MYH6: variants seen among roughly 807,000 people sequenced by gnomAD.
MYH6 encodes the protein myosin-6.
Under a neutral mutation model 223.2 loss-of-function variants are expected in MYH6, and 126 were observed. The observed-to-expected ratio is 0.56, with a 90% CI of 0.49 to 0.65. The LOEUF is 0.65. Among genes scored for constraint, MYH6 ranks in the 30% least tolerant of loss-of-function variants. MYH6 has a pLI of 0.00. For missense variants in MYH6, 2,040 were observed against 2,536.4 expected, an observed-to-expected ratio of 0.80 and a Z score of 4.20; for synonymous variants, 978 against 1,010.2, an observed-to-expected ratio of 0.97 and a Z score of 0.61.
At chr14:23,402,860 A>G (rs1713304537) in intron 10 of MYH6, 60 bp from the exon 11 acceptor site, 5 of 554,896 alleles carry the variant, frequency 9.0e-6, no homozygotes, top group South Asian at 6.5e-5. Flanking sequence ...GGGAAGGGGC[A>G]GGTAGAGTTG....
intron 8 of MYH6, 131 bp from the exon 9 acceptor site, chr14:23,403,909 T>C (rs2138617582): frequency 2.4e-6 from 2 of 848,696 alleles, no homozygotes; most frequent in African/African-American, 1.7e-5. Flanking sequence ...CAGTTGAGTA[T>C]AAGTGAAGCC....
Position 23,382,578 on chromosome 14 carries a change from G to A in MYH6, c.5662-16C>T. 4 of 1,614,158 alleles carry A rather than the reference G, an allele frequency of 2.5e-6. No individual in the cohort carries two copies. The highest frequency in any genetic ancestry group is 3.4e-6 in the Non-Finnish European group (4 of 1,180,018). On this transcript the variant is annotated splice_polypyrimidine_tract_variant and intron_variant, in intron 37 of 38. Coordinates refer to ENST00000405093, the MANE Select transcript of MYH6 (RefSeq NM_002471.4). ...CTTGCTCCTCCTGTGGTGGGACAGTGGGGATGGGTGAATGAGCTGGAGATG... is the reference window on the plus strand; with the variant it reads ...CTTGCTCCTCCTGTGGTGGGACAGTAGGGATGGGTGAATGAGCTGGAGATG...
rs434273 is a variant in MYH6, at chr14:23,403,457, T to G, written c.800-11A>C. ...ACTTCTCCAGCAGGTCTGAGGTGGG[T>G]GGAGGGGAGGAAGGCAGGTGAGGAA... On this transcript the variant is annotated splice_polypyrimidine_tract_variant and intron_variant, in intron 9 of 38. Coordinates refer to ENST00000405093, the MANE Select transcript of MYH6 (RefSeq NM_002471.4). The G allele has an allele frequency of 6.2e-7, 1 of 1,611,526 alleles. No homozygotes were observed. The highest frequency in any genetic ancestry group is 1.1e-5 in the South Asian group (1 of 91,004).
At chr14:23,399,863 A>C in intron 14 of MYH6, 1 of 318,734 alleles carries the variant, frequency 3.1e-6, no homozygotes, top group Non-Finnish European at 6.1e-6. Context: ...CTTCTGAGGA[A>C]TGCCCATAAG....
Position 23,383,339 on chromosome 14 carries a change from G to GGGGGGGGGGGGGGCCCCCCCCCCCCCCC in MYH6, c.5566-20_5566-19insGGGGGGGGGGGGGGGCCCCCCCCCCCCC. The GGGGGGGGGGGGGGCCCCCCCCCCCCCCC allele has an allele frequency of 9.2e-6, 1 of 108,198 alleles. No individual in the cohort carries two copies. The highest frequency in any genetic ancestry group is 1.8e-5 in the Non-Finnish European group (1 of 54,380). 6.7% of individuals were successfully genotyped at this position (108,198 alleles called of 1,614,324 possible). A position where few individuals can be genotyped will look rare whatever the true frequency, so the allele number is the denominator to read the frequency against. On this transcript the variant is annotated intron_variant, in intron 36 of 38. Coordinates refer to ENST00000405093, the MANE Select transcript of MYH6 (RefSeq NM_002471.4). ...CCTCTGTCTGGGGGTGGGAGGGTGG[G>GGGGGGGGGGGGGGCCCCCCCCCCCCCCC]AGAAGCTGGTTTGGAGGGGGAGCAA...
At chr14:23,384,093 G>A (rs931675448) in intron 36 of MYH6, among the ~76,000 whole-genome samples, 10 of 151,890 alleles carry the variant, frequency 6.6e-5, no homozygotes, top group Non-Finnish European at 1.3e-4. Context: ...GAAGATTTCC[G>A]GGTCTTTTCC....
In MYH6 at chr14:23,393,750, C is replaced by T. The variant is rs1400491977; in HGVS notation, c.2844G>A (p.Glu948=). The T allele has an allele frequency of 2.5e-6, 4 of 1,614,124 alleles. No homozygotes were observed. In the African/African-American group the frequency reaches 4.0e-5, roughly 16 times the overall value. The change falls in exon 22 of 39, where the codon GAG becomes GAA. Residue 948 remains glutamate (E), a synonymous_variant. Coordinates refer to ENST00000405093, the MANE Select transcript of MYH6 (RefSeq NM_002471.4). ...CAATGTCCTTCTTGAGCTCTGAGCA[C>T]TCGTCTTCCAGCTTGCGCTTCTTGG... ...LTAKKRKLED[E]CSELKKDIDD... is the part of the protein sequence containing the mutation.
chr14:23,387,610 C>T lies in MYH6; in HGVS notation c.4569G>A (p.Lys1523=), dbSNP rs1173978440. The T allele has an allele frequency of 6.2e-7, 1 of 1,614,126 alleles. No homozygotes were observed. The highest frequency in any genetic ancestry group is 8.5e-7 in the Non-Finnish European group (1 of 1,180,018). Residue 1523 remains lysine, a synonymous_variant, in exon 32 of 39, where the codon AAG becomes AAA. Coordinates refer to ENST00000405093, the MANE Select transcript of MYH6 (RefSeq NM_002471.4). The stretch of plus-strand genomic sequence containing the variant: ...GGACCTTCTCCAGCTCATGCACATT[C>T]TTTCCTCCTTCTCCTAGCTGCTCAG... ...DLTEQLGEGG[K]NVHELEKVRK... is the part of the protein sequence containing the mutation.
rs571071986 is a variant in MYH6, at chr14:23,407,342, C to T, written c.-13-106G>A. On this transcript the variant is annotated intron_variant, in intron 2 of 38. Coordinates refer to ENST00000405093, the MANE Select transcript of MYH6 (RefSeq NM_002471.4). This position sits in a 1 kb window ranked among gnomAD's most constrained non-coding sequence, Gnocchi z 5.6. ...TCCCTACCCCCGCTCCTCTCCTCCA[C>T]CCTGGGAGAGGCACCTGCTGTTGCA... The T allele has an allele frequency of 2.2e-6, 3 of 1,353,706 alleles. No individual in the cohort carries two copies. The African/African-American group carries it at 4.3e-5, about 19-fold the overall frequency. 83.9% of individuals were successfully genotyped at this position (1,353,706 alleles called of 1,614,324 possible). A position where few individuals can be genotyped will look rare whatever the true frequency, so the allele number is the denominator to read the frequency against.
At chr14:23,400,492 C>T (rs572238203) in intron 13 of MYH6, 66 bp from the exon 14 acceptor site, 19 of 1,612,212 alleles carry the variant, frequency 1.2e-5, no homozygotes, top group Admixed American at 3.3e-5. Context: ...GGGCTGTGCC[C>T]GTGCACTGTG....
At chr14:23,395,058 T>C (rs893989342) in intron 20 of MYH6, among the ~76,000 whole-genome samples, 13 of 152,186 alleles carry the variant, frequency 8.5e-5, no homozygotes, top group Admixed American at 6.5e-5. Context: ...AGAGACGGGG[T>C]TTCACCATGT....
chr14:23,387,718 C>G (rs770205015), intron 31 of MYH6, 40 bp downstream of exon 31: 9 of 1,614,042 alleles, frequency 5.6e-6, no homozygotes, highest in Non-Finnish European at 7.6e-6. Flanking sequence ...GGCCCTCCCT[C>G]CCACCAACTC....
intron 14 of MYH6, chr14:23,400,029 G>C: frequency 1.5e-6 from 1 of 646,946 alleles, no homozygotes; most frequent in Non-Finnish European, 2.7e-6. Context: ...TCACTCTTAA[G>C]ACACTGAGGG....
chr14:23,401,492 C>T (rs1413345310), intron 12 of MYH6, among the ~76,000 whole-genome samples: 1 of 152,256 alleles, frequency 6.6e-6, no homozygotes, highest in African/African-American at 2.4e-5. Context: ...CTTATCCGGC[C>T]CATGGCCTCT....
rs1465037368 is a variant in MYH6 at position 23,390,203 on chromosome 14, T to A, written c.3586A>T (p.Lys1196Ter). 1 of 1,603,718 alleles carries A rather than the reference T, an allele frequency of 6.2e-7. No individual in the cohort carries two copies. The highest frequency in any genetic ancestry group is 1.3e-5 in the African/African-American group (1 of 74,572). ...TCGGCCACGCTGTCGGCGTGCTTCT[T>A]GCGCAGGGCCGCGGCAGTGGCCTCG... Reference protein sequence around the residue: ...QHEATAAALRKKHADSVAELG... With the variant: ...QHEATAAALR The change falls in exon 26 of 39, where the codon AAG becomes TAG. Residue 1196 changes from lysine to a stop codon, truncating the protein, a stop_gained. Coordinates refer to ENST00000405093, the MANE Select transcript of MYH6 (RefSeq NM_002471.4). LOFTEE classifies it high-confidence loss of function.
In MYH6 at chr14:23,403,457, T is replaced by C. The variant is rs434273; in HGVS notation, c.800-11A>G. 1,230,306 of 1,611,044 alleles carry C rather than the reference T, an allele frequency of 0.76. 472,572 individuals are homozygous for C. The highest frequency in any genetic ancestry group is 0.95 in the African/African-American group (71,416 of 74,874). On this transcript the variant is annotated splice_polypyrimidine_tract_variant and intron_variant, in intron 9 of 38. Coordinates refer to ENST00000405093, the MANE Select transcript of MYH6 (RefSeq NM_002471.4). ...ACTTCTCCAGCAGGTCTGAGGTGGGTGGAGGGGAGGAAGGCAGGTGAGGAA... is the reference window on the plus strand; with the variant it reads ...ACTTCTCCAGCAGGTCTGAGGTGGGCGGAGGGGAGGAAGGCAGGTGAGGAA...
chr14:23,382,680 CT>C lies in MYH6; in HGVS notation c.5662-119del, dbSNP rs558020975. The C allele has an allele frequency of 5.0e-5, 71 of 1,433,426 alleles. No individual in the cohort carries two copies. The South Asian group carries it at 5.5e-4, about 11-fold the overall frequency. 88.8% of individuals were successfully genotyped at this position (1,433,426 alleles called of 1,614,324 possible). On this transcript the variant is annotated intron_variant, in intron 37 of 38. Transcript: ENST00000405093. ...AGGCACCCATACCTCATGCATATTC[CT>C]GCAACAGCCTTCCCAAGGGTATCCT...
At chr14:23,398,582 G>A (rs1435326980) in intron 15 of MYH6, 146 bp downstream of exon 15, 1 of 871,564 alleles carries the variant, frequency 1.1e-6, no homozygotes, top group Admixed American at 1.9e-5. Flanking sequence ...AAGCCCAGCT[G>A]GACTGTGGTG....
intron 20 of MYH6, 128 bp from the exon 21 acceptor site, chr14:23,394,451 A>G (rs760789862): frequency 4.2e-5 from 51 of 1,220,512 alleles, no homozygotes; most frequent in Non-Finnish European, 5.5e-5. Context: ...ACATCACTAC[A>G]CTGAACATGG....
Sources: allele counts gnomAD v4.1 joint callset (sites outside exome capture counted in the v4.1 genomes callset), GRCh38; gene constraint gnomAD v4.1.1; non-coding constraint Gnocchi (gnomAD v3.1); transcripts MANE v1.5; gene names NCBI Gene and HGNC (gene_info 2026-07-23, HGNC 2026-07-21).